PGD: variants seen among roughly 807,000 people sequenced by gnomAD.
The protein encoded by PGD is phosphogluconate dehydrogenase.
In PGD, 21 loss-of-function variants were observed where a neutral mutation model predicts 60.4. That is an observed-to-expected ratio of 0.35 (90% CI 0.25 to 0.50). The LOEUF is 0.50. PGD is among the 20% of genes least tolerant of loss of function. The pLI is 0.98. For missense variants in PGD, 477 were observed against 613.1 expected, an observed-to-expected ratio of 0.78 and a Z score of 2.34; for synonymous variants, 230 against 235.9, an observed-to-expected ratio of 0.97 and a Z score of 0.23.
At chr1:10,410,729 G>A (rs771438275) in intron 6 of PGD, among the ~76,000 whole-genome samples, 16 of 152,028 alleles carry the variant, frequency 1.1e-4, no homozygotes, top group African/African-American at 1.7e-4. Flanking sequence ...TGTGTTGACC[G>A]GACTAACATT....
chr1:10,406,137 G>C (rs1005144772), intron 5 of PGD, among the ~76,000 whole-genome samples: 1 of 152,198 alleles, frequency 6.6e-6, no homozygotes, highest in Non-Finnish European at 1.5e-5. Flanking sequence ...ACAGGTGTGA[G>C]CCACTGCGCC....
At chr1:10,403,314 G>T (rs1021844926) in intron 4 of PGD, among the ~76,000 whole-genome samples, 178 bp downstream of exon 4, 1 of 151,950 alleles carries the variant, frequency 6.6e-6, no homozygotes, top group East Asian at 1.9e-4. Flanking sequence ...CAGAAGGGCC[G>T]GGTGTGGTGG....
intron 10 of PGD, among the ~76,000 whole-genome samples, chr1:10,418,582 C>T (rs1639635859): frequency 6.6e-6 from 1 of 152,072 alleles, no homozygotes; most frequent in African/African-American, 2.4e-5. Flanking sequence ...CCAGACCATC[C>T]TGGCTAACAC....
chr1:10,404,522 CTT>C (rs57895243), intron 5 of PGD, among the ~76,000 whole-genome samples: 2 of 144,258 alleles, frequency 1.4e-5, no homozygotes, highest in Non-Finnish European at 1.5e-5. Flanking sequence ...TCTAAATAGG[CTT>C]TTTTTTTTTT....
At position 10,417,067 on chromosome 1, in the gene PGD, AAGTTCC is replaced by A; in HGVS notation, c.930_935del (p.Gln311_Phe312del). The stretch of plus-strand genomic sequence containing the variant: ...TAGCAAAAAGCTGAAGGGTCCCCAG[AAGTTCC>A]AGTTTGATGGTGATAAGAAATCATT... On this transcript the variant is annotated inframe_deletion, in exon 9 of 13. Transcript: ENST00000270776. The A allele has an allele frequency of 6.2e-7, 1 of 1,614,050 alleles. No homozygotes were observed. The highest frequency in any genetic ancestry group is 8.5e-7 in the Non-Finnish European group (1 of 1,179,932).
At chr1:10,405,900 G>A (rs898570641) in intron 5 of PGD, among the ~76,000 whole-genome samples, 1 of 152,122 alleles carries the variant, frequency 6.6e-6, no homozygotes, top group African/African-American at 2.4e-5. Context: ...AGGTTGGAGT[G>A]CAGAGTGCAG....
intron 2 of PGD, 137 bp from the exon 3 acceptor site, chr1:10,400,256 A>G (rs1249584825): frequency 7.8e-6 from 5 of 640,824 alleles, no homozygotes; most frequent in Middle Eastern, 4.4e-4. Context: ...AGCCTCCCAC[A>G]GCTGGGGGAA....
intron 8 of PGD, chr1:10,415,355 C>G (rs1360448786): frequency 6.6e-6 from 1 of 152,174 alleles, no homozygotes; most frequent in Non-Finnish European, 1.5e-5. Context: ...GGGCCAATAG[C>G]TAGGAGCAAT....
At chr1:10,399,425 G>A in intron 1 of PGD, 1 of 458,884 alleles carries the variant, frequency 2.2e-6, no homozygotes, top group Non-Finnish European at 3.7e-6. Context: ...CGTGCCAGCG[G>A]GAGCCGGGCG....
rs1181831021 is a variant in PGD, at chr1:10,417,133, T to C, written c.975+16T>C. The C allele has an allele frequency of 1.2e-6, 2 of 1,613,518 alleles. No individual in the cohort carries two copies. The highest frequency in any genetic ancestry group is 1.7e-5 in the Admixed American group (1 of 60,008). On this transcript the variant is annotated intron_variant, in intron 9 of 12. Coordinates refer to ENST00000270776, the MANE Select transcript of PGD (RefSeq NM_002631.4). ...CATTCGGAAGGTGGGACACAGTCCC[T>C]GGCAGTGGTCTTTGTTGGTCCTGCG...
At chr1:10,407,964 G>GA in intron 5 of PGD, 107 bp from the exon 6 acceptor site, 1 of 627,656 alleles carries the variant, frequency 1.6e-6, no homozygotes, top group South Asian at 2.0e-5. Flanking sequence ...AAAAAAAAAA[G>GA]AAAGGAAAAG....
At chr1:10,419,340 CACATTG>C in intron 11 of PGD, 71 bp from the exon 12 acceptor site, 3 of 1,542,592 alleles carry the variant, frequency 1.9e-6, no homozygotes, top group Non-Finnish European at 2.6e-6. Context: ...TTCATTTACC[CACATTG>C]ATATGAATGA....
intron 10 of PGD, among the ~76,000 whole-genome samples, chr1:10,418,237 C>T (rs1408925307): frequency 6.6e-6 from 1 of 152,096 alleles, no homozygotes; most frequent in Non-Finnish European, 1.5e-5. Context: ...TCAGATGATT[C>T]TAATATTAGT....
chr1:10,399,080 G>A lies in PGD; in HGVS notation c.-38G>A. On this transcript the variant is annotated 5_prime_UTR_variant, in exon 1 of 13. Coordinates refer to ENST00000270776, the MANE Select transcript of PGD (RefSeq NM_002631.4). The stretch of plus-strand genomic sequence containing the variant: ...CGGGTCTTTCCCTCACTCGTCCTCC[G>A]CGCGTCGCCGCTCTTCGGTTCTGCT... The A allele has an allele frequency of 6.2e-7, 1 of 1,608,734 alleles. No homozygotes were observed. Among genetic ancestry groups the A allele is most frequent in the Non-Finnish European group, 8.5e-7 (1 of 1,179,472 alleles).
intron 5 of PGD, among the ~76,000 whole-genome samples, chr1:10,406,787 T>C (rs1206645912): frequency 6.6e-6 from 1 of 152,204 alleles, no homozygotes; most frequent in Non-Finnish European, 1.5e-5. Flanking sequence ...ACAGCGGCCT[T>C]TCTCTGAATG....
chr1:10,405,348 C>A (rs1050833989), intron 5 of PGD, among the ~76,000 whole-genome samples: 3 of 149,420 alleles, frequency 2.0e-5, no homozygotes, highest in African/African-American at 7.4e-5. Context: ...TTCACCCTGG[C>A]GACAGAGTGA....
In PGD at chr1:10,399,724, T is replaced by C; in HGVS notation, c.84+20T>C. On this transcript the variant is annotated intron_variant, in intron 2 of 12. Coordinates refer to ENST00000270776, the MANE Select transcript of PGD (RefSeq NM_002631.4). Reference sequence around the variant, plus strand: ...TTTGTGGTAAGCGGCGTGGGCGCGTTGTCTTCTCTCTGGTTCCCGGGCGCT... The same window carrying C: ...TTTGTGGTAAGCGGCGTGGGCGCGTCGTCTTCTCTCTGGTTCCCGGGCGCT... 6.2e-7 allele frequency: 1 copy of C among 1,609,998 alleles called. No individual in the cohort carries two copies. The highest frequency in any genetic ancestry group is 8.5e-7 in the Non-Finnish European group (1 of 1,176,422).
At chr1:10,416,146 A>C (rs1314974345) in intron 8 of PGD, among the ~76,000 whole-genome samples, 3 of 152,004 alleles carry the variant, frequency 2.0e-5, no homozygotes, top group Non-Finnish European at 1.5e-5. Flanking sequence ...CAGGCTGGAG[A>C]GCAGTGGTGT....
At chr1:10,412,917 A>G in intron 7 of PGD, 145 bp from the exon 8 acceptor site, 1 of 637,154 alleles carries the variant, frequency 1.6e-6, no homozygotes, top group Non-Finnish European at 2.7e-6. Context: ...ATAAAACTCA[A>G]CCAGCAGGAG....
Sources: gnomAD v4.1 joint callset for allele counts (sites outside exome capture counted in the v4.1 genomes callset) on GRCh38, gnomAD v4.1.1 for gene constraint, MANE v1.5 for transcripts, NCBI Gene and HGNC (gene_info 2026-07-23, HGNC 2026-07-21) for gene names.